MYCBP2: variants seen among roughly 807,000 people sequenced by gnomAD.
MYCBP2 encodes the protein MYC binding protein 2.
In MYCBP2, 120 loss-of-function variants were observed where a neutral mutation model predicts 525.3. The observed-to-expected ratio is 0.23, with a 90% CI of 0.20 to 0.27. The LOEUF (loss-of-function observed/expected upper bound fraction) is 0.27. MYCBP2 is among the 10% of genes least tolerant of loss of function. The pLI, the probability that MYCBP2 is intolerant of heterozygous loss-of-function variation, is 1.00. For missense variants in MYCBP2, 4,149 were observed against 5,657.1 expected, an observed-to-expected ratio of 0.73 and a Z score of 8.55; for synonymous variants, 1,894 against 1,955.8, an observed-to-expected ratio of 0.97 and a Z score of 0.83.
chr13:77,233,042 A>G, intron 18 of MYCBP2, 114 bp downstream of exon 18: 1 of 846,766 alleles, frequency 1.2e-6, no homozygotes, highest in Non-Finnish European at 1.9e-6. Flanking sequence ...AGGCTACATC[A>G]TGATAGAAGC....
Position 77,131,542 on chromosome 13 carries a change from T to A in MYCBP2, c.7660-5000A>T, listed in dbSNP as rs183886093. 2.2e-4 allele frequency among the ~76,000 whole-genome samples: 27 copies of A among 123,010 alleles called. 1 individual carries two copies. The highest frequency in any genetic ancestry group is 7.5e-4 in the African/African-American group (27 of 35,954). The allele number at this position is 123,010 out of a possible 152,430, so 80.7% of individuals were successfully genotyped here. ...AACACACACACACACACACACACAC[T>A]TGAATAGTGTTCTTTGGAAATTTAG... On this transcript the variant is annotated intron_variant, in intron 52 of 82. Coordinates refer to ENST00000544440, the MANE Select transcript of MYCBP2 (RefSeq NM_015057.5).
rs778668529 is a variant in MYCBP2, at chr13:77,081,319, G to A, written c.11418+108C>T. 176 of 892,310 alleles carry A rather than the reference G, an allele frequency of 2.0e-4. No homozygotes were observed. Among genetic ancestry groups the A allele is most frequent in the Non-Finnish European group, 2.8e-4 (157 of 566,098 alleles). 55.3% of individuals were successfully genotyped at this position (892,310 alleles called of 1,614,324 possible). ...GGGATTATAGCAATGATGTTTGGTT[G>A]GTGAAATTCCAGGTGATAAAGCTTG... On this transcript the variant is annotated intron_variant, in intron 65 of 82. Transcript: ENST00000544440. The surrounding 1 kb of genome is among the most constrained non-coding windows in gnomAD (Gnocchi z 4.6).
In MYCBP2 at chr13:77,044,800, G is replaced by T. The variant is rs1023086321; in HGVS notation, c.*578C>A. ...TCAAACTTAACCTAGAAGTTTAAAT[G>T]AAATTGCATTTGTAATTTAGTAATT... On this transcript the variant is annotated 3_prime_UTR_variant, in exon 83 of 83. Coordinates refer to ENST00000544440, the MANE Select transcript of MYCBP2 (RefSeq NM_015057.5). The T allele has an allele frequency of 2.0e-5, 8 of 398,548 alleles. No individual in the cohort carries two copies. The highest frequency in any genetic ancestry group is 3.5e-5 in the Non-Finnish European group (8 of 225,978). 24.7% of individuals were successfully genotyped at this position (398,548 alleles called of 1,614,324 possible).
Position 77,121,424 on chromosome 13 carries a change from C to T in MYCBP2, c.8089G>A (p.Gly2697Arg). 6.3e-7 allele frequency: 1 copy of T among 1,598,188 alleles called. No individual in the cohort carries two copies. The highest frequency in any genetic ancestry group is 8.6e-7 in the Non-Finnish European group (1 of 1,169,136). Residue 2697 changes from glycine (G) to arginine (R), a missense_variant, in exon 55 of 83, where the codon GGG becomes AGG. Coordinates refer to ENST00000544440, the MANE Select transcript of MYCBP2 (RefSeq NM_015057.5). ...SPFSVQAFNK[G>R]ASCSAQGFDY... Reference sequence around the variant, plus strand: ...AATCCTTGGGCACTGCAACTTGCCCCTTTATTAAAAGCTTGCACTGAGAAA... The same window carrying T: ...AATCCTTGGGCACTGCAACTTGCCCTTTTATTAAAAGCTTGCACTGAGAAA...
chr13:77,215,085 G>A (rs534472139), intron 21 of MYCBP2, among the ~76,000 whole-genome samples: 1 of 152,272 alleles, frequency 6.6e-6, no homozygotes, highest in African/African-American at 2.4e-5. Context: ...AGGCAGGAAT[G>A]TCAAGGATAT....
At chr13:77,046,235 A>T (rs981840600) in intron 82 of MYCBP2, among the ~76,000 whole-genome samples, 1 of 152,212 alleles carries the variant, frequency 6.6e-6, no homozygotes, top group Non-Finnish European at 1.5e-5. Context: ...TTTAGAAAAG[A>T]TTTTTAGTTC....
In MYCBP2 at chr13:77,278,917, T is replaced by C. The variant is rs1423770917; in HGVS notation, c.595-6A>G. ...CAAAGGCCAACCTCAATAATCTATT[T>C]AAAAGGAAAAAATATATATACTTTA... On this transcript the variant is annotated splice_polypyrimidine_tract_variant and splice_region_variant and intron_variant, in intron 3 of 82. Transcript: ENST00000544440. 2 of 1,550,544 alleles carry C rather than the reference T, an allele frequency of 1.3e-6. No homozygotes were observed. The highest frequency in any genetic ancestry group is 1.2e-5 in the South Asian group (1 of 80,276).
chr13:77,231,906 G>C (rs2067187427), intron 18 of MYCBP2, among the ~76,000 whole-genome samples: 1 of 152,052 alleles, frequency 6.6e-6, no homozygotes, highest in African/African-American at 2.4e-5. Flanking sequence ...TTTTCTTTTT[G>C]GAATCAGCTG....
At chr13:77,198,530 C>G (rs1168384864) in intron 26 of MYCBP2, among the ~76,000 whole-genome samples, 1 of 152,128 alleles carries the variant, frequency 6.6e-6, no homozygotes, top group Non-Finnish European at 1.5e-5. Flanking sequence ...TATTGAAATT[C>G]AGGCAGAAAC....
chr13:77,304,952 G>GA (rs140899635), intron 1 of MYCBP2, among the ~76,000 whole-genome samples: 4 of 150,748 alleles, frequency 2.7e-5, no homozygotes, highest in South Asian at 2.1e-4. Flanking sequence ...TTAAACAAGG[G>GA]AAAAAAAATG....
chr13:77,147,201 G>C (rs566711732), intron 47 of MYCBP2, among the ~76,000 whole-genome samples: 1 of 152,062 alleles, frequency 6.6e-6, no homozygotes, highest in Non-Finnish European at 1.5e-5. Flanking sequence ...TATTCAGTAA[G>C]AGCCTAAAAA....
At chr13:77,104,478 T>A (rs1332144239) in intron 55 of MYCBP2, among the ~76,000 whole-genome samples, 1 of 151,990 alleles carries the variant, frequency 6.6e-6, no homozygotes, top group African/African-American at 2.4e-5. Flanking sequence ...CTGAGAAACT[T>A]GGGAGTCATA....
chr13:77,064,533 A>G (rs1162901300), intron 73 of MYCBP2, 82 bp downstream of exon 73: 2 of 1,395,882 alleles, frequency 1.4e-6, no homozygotes, highest in Non-Finnish European at 1.9e-6. Context: ...AGTGATTAAA[A>G]TTTGTTTAAA....
chr13:77,179,536 G>A (rs1370467035), intron 34 of MYCBP2, among the ~76,000 whole-genome samples: 2 of 152,200 alleles, frequency 1.3e-5, no homozygotes, highest in African/African-American at 4.8e-5. Context: ...TGAAAACTTT[G>A]TGATAATGTA....
intron 47 of MYCBP2, 100 bp downstream of exon 47, chr13:77,150,634 T>C (rs908202863): frequency 1.1e-6 from 1 of 918,034 alleles, no homozygotes; most frequent in African/African-American, 1.7e-5. Flanking sequence ...CAAATGCTCT[T>C]TGGACTTACA....
chr13:77,211,790 T>A (rs1413545783), intron 22 of MYCBP2, among the ~76,000 whole-genome samples, 166 bp downstream of exon 22: 1 of 152,210 alleles, frequency 6.6e-6, no homozygotes, highest in African/African-American at 2.4e-5. Flanking sequence ...TCTTTCAGCA[T>A]AGAGACACAT....
chr13:77,203,630 A>G (rs1340991641), intron 26 of MYCBP2, among the ~76,000 whole-genome samples: 1 of 152,228 alleles, frequency 6.6e-6, no homozygotes, highest in African/African-American at 2.4e-5. Context: ...GCATCACACT[A>G]CCTGACTTCA....
At chr13:77,212,646 A>C (rs1310585354) in intron 21 of MYCBP2, among the ~76,000 whole-genome samples, 7 of 152,224 alleles carry the variant, frequency 4.6e-5, no homozygotes, top group Non-Finnish European at 7.3e-5. Context: ...AATTAGAAAA[A>C]TATGTAATGT....
chr13:77,188,169 T>C (rs888201320), intron 30 of MYCBP2, among the ~76,000 whole-genome samples: 3 of 151,888 alleles, frequency 2.0e-5, no homozygotes, highest in South Asian at 4.2e-4. Context: ...AAATCTTTCA[T>C]ATACTTTTAG....
Sources: allele counts gnomAD v4.1 joint callset (sites outside exome capture counted in the v4.1 genomes callset), GRCh38; gene constraint gnomAD v4.1.1; non-coding constraint Gnocchi (gnomAD v3.1); transcripts MANE v1.5; gene names NCBI Gene and HGNC (gene_info 2026-07-23, HGNC 2026-07-21).